Variants in DYSF observed in about 807,000 individuals in gnomAD.
The protein encoded by DYSF is dysferlin, also known as dystrophy-associated fer-1-like 1.
DYSF carries 212 observed loss-of-function variants against 274.9 expected under a neutral mutation model. The ratio of observed to expected loss-of-function variants is 0.77; its 90% CI spans 0.69 to 0.86. The LOEUF (loss-of-function observed/expected upper bound fraction) is 0.86. Ranked by LOEUF, DYSF falls within the 40% of genes least tolerant of loss-of-function variation. The probability of loss-of-function intolerance (pLI) is 0.00; values close to 1 mark genes in which losing one functional copy is unlikely to be tolerated. For missense variants in DYSF, 2,666 were observed against 2,783.2 expected, an observed-to-expected ratio of 0.96 and a Z score of 0.95; for synonymous variants, 1,091 against 1,078.7, an observed-to-expected ratio of 1.01 and a Z score of -0.22.
intron 17 of DYSF, among the ~76,000 whole-genome samples, chr2:71,544,380 A>G (rs2090287681): frequency 6.6e-6 from 1 of 151,678 alleles, no homozygotes; most frequent in Admixed American, 6.6e-5. Flanking sequence ...TCGTCTCCAG[A>G]TTCTAGATCT....
chr2:71,512,040 A>G, intron 5 of DYSF, 119 bp downstream of exon 5: 1 of 676,902 alleles, frequency 1.5e-6, no homozygotes, highest in Non-Finnish European at 2.7e-6. Flanking sequence ...CCCAGGTTGG[A>G]GGCTGCCCAG....
chr2:71,511,629 G>A (rs780571961), intron 4 of DYSF, among the ~76,000 whole-genome samples, 178 bp from the exon 5 acceptor site: 1 of 152,164 alleles, frequency 6.6e-6, no homozygotes, highest in Non-Finnish European at 1.5e-5. Context: ...TCTGTGCTTC[G>A]AACCACCTGA....
chr2:71,676,724 A>G (rs1466478766), intron 52 of DYSF, among the ~76,000 whole-genome samples: 1 of 152,234 alleles, frequency 6.6e-6, no homozygotes, highest in Non-Finnish European at 1.5e-5. Context: ...AAATAAAACC[A>G]TTAACGAATA....
chr2:71,550,333 AG>A (rs1254429692), intron 17 of DYSF, among the ~76,000 whole-genome samples: 1 of 152,250 alleles, frequency 6.6e-6, no homozygotes, highest in Non-Finnish European at 1.5e-5. Context: ...AAGAATGTGG[AG>A]AGATTTCCCC....
intron 23 of DYSF, among the ~76,000 whole-genome samples, chr2:71,562,717 G>C (rs1479166631): frequency 6.6e-6 from 1 of 152,192 alleles, no homozygotes; most frequent in East Asian, 1.9e-4. Context: ...GTTGCTGGAG[G>C]AAGCTGTGGA....
chr2:71,503,331 T>A lies in DYSF; in HGVS notation c.345+12T>A. 6.2e-7 allele frequency: 1 copy of A among 1,613,794 alleles called. No homozygotes were observed. The highest frequency in any genetic ancestry group is 2.2e-5 in the East Asian group (1 of 44,866). On this transcript the variant is annotated intron_variant, in intron 4 of 55. Transcript: ENST00000410020. ...AGCAGCCCACAGGGGTAAGTGCCCA[T>A]CAGCCTCTGCCAGGTTAAGGTCCAA...
intron 3 of DYSF, among the ~76,000 whole-genome samples, chr2:71,496,350 C>G (rs577068262): frequency 6.6e-6 from 1 of 152,008 alleles, no homozygotes; most frequent in African/African-American, 2.4e-5. Context: ...CAGGGAAGTG[C>G]TGGGGTCAGT....
At chr2:71,627,472 A>G (rs1005746679) in intron 41 of DYSF, among the ~76,000 whole-genome samples, 5 of 152,082 alleles carry the variant, frequency 3.3e-5, no homozygotes, top group Non-Finnish European at 7.4e-5. Context: ...ACGATATAAT[A>G]CTTAGAAATG....
In DYSF at chr2:71,575,100, A is replaced by T. The variant is rs368852927; in HGVS notation, c.3402+729A>T. On this transcript the variant is annotated intron_variant, in intron 30 of 55. Transcript: ENST00000410020. The stretch of plus-strand genomic sequence containing the variant: ...GGCCCTAGGGAGCAAGCCCCATGGG[A>T]CGTGAGGGTGTCCATGTGAAGCCAG... 3.3e-5 allele frequency among the ~76,000 whole-genome samples: 5 copies of T among 152,024 alleles called. No homozygotes were observed. In the East Asian group the frequency reaches 7.8e-4, roughly 24 times the overall value.
At chr2:71,580,450 G>A (rs1282030226) in intron 30 of DYSF, among the ~76,000 whole-genome samples, 1 of 152,248 alleles carries the variant, frequency 6.6e-6, no homozygotes, top group African/African-American at 2.4e-5. Flanking sequence ...TGAAAAGGAG[G>A]TCAGATGTGG....
chr2:71,669,491 C>CT, intron 50 of DYSF, 114 bp from the exon 51 acceptor site: 1 of 1,351,300 alleles, frequency 7.4e-7, no homozygotes, highest in Non-Finnish European at 1.1e-6. Flanking sequence ...CCTGGGAATT[C>CT]TTTTTGCGAT....
chr2:71,584,203 G>A (rs1386178830), intron 30 of DYSF, among the ~76,000 whole-genome samples: 1 of 151,662 alleles, frequency 6.6e-6, no homozygotes, highest in African/African-American at 2.4e-5. Context: ...GGGGTGAAGG[G>A]TGGGTGGGCA....
intron 12 of DYSF, among the ~76,000 whole-genome samples, chr2:71,522,730 T>C (rs1267684982): frequency 6.6e-6 from 1 of 152,154 alleles, no homozygotes; most frequent in African/African-American, 2.4e-5. Context: ...ATCTAACTTA[T>C]TATAGCAAAG....
chr2:71,675,288 T>C (rs775292943), intron 52 of DYSF, among the ~76,000 whole-genome samples: 2 of 152,206 alleles, frequency 1.3e-5, no homozygotes, highest in African/African-American at 4.8e-5. Context: ...CTTAAAGTGG[T>C]TAAAGTGGTG....
intron 1 of DYSF, among the ~76,000 whole-genome samples, chr2:71,473,190 G>T (rs574972126): frequency 5.3e-5 from 8 of 152,338 alleles, no homozygotes; most frequent in Non-Finnish European, 8.8e-5. Context: ...CAGGGCAGGT[G>T]TCAGAATGAC....
At chr2:71,655,595 C>A (rs961103694) in intron 42 of DYSF, among the ~76,000 whole-genome samples, 1 of 152,328 alleles carries the variant, frequency 6.6e-6, no homozygotes. Context: ...ATGAATTGAG[C>A]TAACAAGTTT....
At position 71,485,967 on chromosome 2, in the gene DYSF, C is replaced by T. The variant is rs551683747; in HGVS notation, c.239+3997C>T. 3.9e-5 allele frequency among the ~76,000 whole-genome samples: 6 copies of T among 152,174 alleles called. No individual in the cohort carries two copies. The South Asian group carries it at 1.2e-3, about 32-fold the overall frequency. On this transcript the variant is annotated intron_variant, in intron 3 of 55. Transcript: ENST00000410020. ...ATGCTGGGATTACAAGCGTGAGCCACCGCGCCCAGCCCTTCAATGAGCATT... is the reference window on the plus strand; with the variant it reads ...ATGCTGGGATTACAAGCGTGAGCCATCGCGCCCAGCCCTTCAATGAGCATT...
chr2:71,561,622 G>T, intron 22 of DYSF, 130 bp from the exon 23 acceptor site: 1 of 1,010,466 alleles, frequency 9.9e-7, no homozygotes. Context: ...GTGTGGAGCG[G>T]GCTGGAGAAG....
rs199608017 is a variant in DYSF, at chr2:71,535,096, C to A, written c.1449+7C>A. 4 of 1,613,992 alleles carry A rather than the reference C, an allele frequency of 2.5e-6. No individual in the cohort carries two copies. The highest frequency in any genetic ancestry group is 2.2e-5 in the East Asian group (1 of 44,876). ...CATCACACTGCCTGCCATGGTGAGC[C>A]TCCTGCCCCCAGCAAACCCAAGGAG... On this transcript the variant is annotated splice_region_variant and intron_variant, in intron 15 of 55. Coordinates refer to ENST00000410020, the MANE Select transcript of DYSF (RefSeq NM_001130987.2).
Sources: allele counts gnomAD v4.1 joint callset (sites outside exome capture counted in the v4.1 genomes callset), GRCh38; gene constraint gnomAD v4.1.1; transcripts MANE v1.5; gene names NCBI Gene and HGNC (gene_info 2026-07-23, HGNC 2026-07-21).